KCTD16: variants seen among roughly 807,000 people sequenced by gnomAD.
The protein encoded by KCTD16 is potassium channel tetramerization domain containing 16, also known as BTB/POZ domain-containing protein KCTD16.
In KCTD16, 13 loss-of-function variants were observed where a neutral mutation model predicts 33.2. That is an observed-to-expected ratio of 0.39 (90% CI 0.25 to 0.62). The LOEUF (loss-of-function observed/expected upper bound fraction) is 0.62. Among genes scored for constraint, KCTD16 ranks in the 20% least tolerant of loss-of-function variants. The probability of loss-of-function intolerance (pLI) is 0.50; values close to 1 mark genes in which losing one functional copy is unlikely to be tolerated. For missense variants in KCTD16, 441 were observed against 525.1 expected, an observed-to-expected ratio of 0.84 and a Z score of 1.57; for synonymous variants, 197 against 195.3, an observed-to-expected ratio of 1.01 and a Z score of -0.07.
At chr5:144,275,031 G>A (rs555401650) in intron 3 of KCTD16, among the ~76,000 whole-genome samples, 9 of 152,138 alleles carry the variant, frequency 5.9e-5, no homozygotes, top group Admixed American at 2.0e-4. Flanking sequence ...TTCTTTAACC[G>A]TATATTAAAA....
intron 3 of KCTD16, among the ~76,000 whole-genome samples, chr5:144,418,226 A>G (rs1753124007): frequency 6.6e-6 from 1 of 152,174 alleles, no homozygotes; most frequent in Non-Finnish European, 1.5e-5. Context: ...AGCAAGCTTT[A>G]TTACAAAGAG....
chr5:144,238,451 C>T (rs1230680136), intron 3 of KCTD16, among the ~76,000 whole-genome samples: 5 of 152,092 alleles, frequency 3.3e-5, no homozygotes, highest in Admixed American at 2.0e-4. Flanking sequence ...GGTAACTTTA[C>T]GTCAAAGCCT....
At chr5:144,369,856 T>C (rs1255566537) in intron 3 of KCTD16, among the ~76,000 whole-genome samples, 2 of 152,196 alleles carry the variant, frequency 1.3e-5, no homozygotes, top group African/African-American at 4.8e-5. Flanking sequence ...TTAATAGTTA[T>C]GTATTTTTAA....
chr5:144,299,088 ATCACTATG>A (rs1227926009), intron 3 of KCTD16, among the ~76,000 whole-genome samples: 3,083 of 55,450 alleles, frequency 0.056, 577 homozygotes, highest in African/African-American at 0.24. Context: ...GTATATATAT[ATCACTATG>A]TATATATATA....
intron 3 of KCTD16, among the ~76,000 whole-genome samples, chr5:144,281,992 C>T (rs1482536057): frequency 2.0e-5 from 3 of 152,110 alleles, no homozygotes; most frequent in South Asian, 4.1e-4. Flanking sequence ...TTTGGTCTTT[C>T]TCTTAGTTTT....
At chr5:144,266,927 G>A (rs1198740351) in intron 3 of KCTD16, among the ~76,000 whole-genome samples, 1 of 152,112 alleles carries the variant, frequency 6.6e-6, no homozygotes, top group East Asian at 1.9e-4. Context: ...CCTGAAGCAT[G>A]AATTTTGGCC....
chr5:144,449,682 A>T (rs979600404), intron 3 of KCTD16, among the ~76,000 whole-genome samples: 3 of 152,012 alleles, frequency 2.0e-5, no homozygotes, highest in African/African-American at 7.2e-5. Context: ...CCTAGATATA[A>T]ATCCATGCAG....
intron 2 of KCTD16, among the ~76,000 whole-genome samples, chr5:144,191,905 C>T (rs1182204021): frequency 2.0e-5 from 3 of 151,380 alleles, no homozygotes; most frequent in Non-Finnish European, 4.4e-5. Flanking sequence ...CTTATATGGT[C>T]AATACAAGTG....
At position 144,222,235 on chromosome 5, in the gene KCTD16, T is replaced by C. The variant is rs1301228844; in HGVS notation, c.832+14689T>C. ...GGTTGCCAGTTCTAACTGCTTTTTT[T>C]AGAGAGTTGCAAAAGCATTTATATA... On this transcript the variant is annotated intron_variant, in intron 3 of 3. Coordinates refer to ENST00000512467, the MANE Select transcript of KCTD16 (RefSeq NM_020768.4). Among the ~76,000 whole-genome samples, 3 of 152,218 alleles carry C rather than the reference T, an allele frequency of 2.0e-5. 1 individual carries two copies. The highest frequency in any genetic ancestry group is 4.8e-5 in the African/African-American group (2 of 41,456).
chr5:144,299,385 T>C (rs1013561184), intron 3 of KCTD16, among the ~76,000 whole-genome samples: 1 of 151,584 alleles, frequency 6.6e-6, no homozygotes, highest in African/African-American at 2.4e-5. Context: ...CAAAAATAGT[T>C]TGACAAAACT....
chr5:144,231,226 C>A (rs1754093328), intron 3 of KCTD16, among the ~76,000 whole-genome samples: 2 of 152,030 alleles, frequency 1.3e-5, no homozygotes, highest in African/African-American at 4.8e-5. Context: ...GTATTCTTTT[C>A]TGGGCCCATT....
At chr5:144,320,760 T>A (rs946370093) in intron 3 of KCTD16, among the ~76,000 whole-genome samples, 3 of 87,494 alleles carry the variant, frequency 3.4e-5, no homozygotes, top group Non-Finnish European at 8.8e-5. Context: ...TTTTTATTTG[T>A]TTTTTTTTTT....
chr5:144,305,727 C>T (rs372496601), intron 3 of KCTD16, among the ~76,000 whole-genome samples: 1 of 152,104 alleles, frequency 6.6e-6, no homozygotes, highest in African/African-American at 2.4e-5. Flanking sequence ...AGCACAAGAA[C>T]CACTTGAACC....
At chr5:144,239,697 C>T (rs945396884) in intron 3 of KCTD16, among the ~76,000 whole-genome samples, 1 of 152,038 alleles carries the variant, frequency 6.6e-6, no homozygotes. Flanking sequence ...CAAGGTTATC[C>T]CTATCATCAA....
At chr5:144,424,858 G>C (rs1753288869) in intron 3 of KCTD16, among the ~76,000 whole-genome samples, 1 of 152,112 alleles carries the variant, frequency 6.6e-6, no homozygotes, top group Non-Finnish European at 1.5e-5. Flanking sequence ...TCTTAATATA[G>C]TCACAATGGC....
chr5:144,199,409 A>G (rs1485432065), intron 2 of KCTD16, among the ~76,000 whole-genome samples: 2 of 152,234 alleles, frequency 1.3e-5, no homozygotes, highest in Non-Finnish European at 2.9e-5. Context: ...GACATGGATC[A>G]ACAGGCTGTA....
At chr5:144,186,352 T>TTA (rs1752724127) in intron 2 of KCTD16, among the ~76,000 whole-genome samples, 1 of 24,594 alleles carries the variant, frequency 4.1e-5, no homozygotes, top group Non-Finnish European at 7.1e-5. Flanking sequence ...TCATTTTTTT[T>TTA]AAAAAAAAAA....
At chr5:144,390,051 C>A (rs10875606) in intron 3 of KCTD16, among the ~76,000 whole-genome samples, 97,834 of 152,088 alleles carry the variant, frequency 0.64, 32,268 homozygotes, top group South Asian at 0.87. Context: ...TCAAAAACTT[C>A]TTTTATCAAG....
At chr5:144,320,602 C>G (rs942196054) in intron 3 of KCTD16, among the ~76,000 whole-genome samples, 1 of 152,100 alleles carries the variant, frequency 6.6e-6, no homozygotes, top group Admixed American at 6.6e-5. Flanking sequence ...GAAAGTGACA[C>G]TGTTTAAAGG....
Sources: allele counts gnomAD v4.1 joint callset (sites outside exome capture counted in the v4.1 genomes callset), GRCh38; gene constraint gnomAD v4.1.1; transcripts MANE v1.5; gene names NCBI Gene and HGNC (gene_info 2026-07-23, HGNC 2026-07-21).